NELL1: variants seen among roughly 807,000 people sequenced by gnomAD.
NELL1 encodes the protein neural EGFL like 1.
A neutral mutation model predicts 107.4 loss-of-function variants in NELL1; 76 were observed. The ratio of observed to expected loss-of-function variants is 0.71; its 90% CI spans 0.59 to 0.86. NELL1 has a LOEUF of 0.86. Ranked by LOEUF, NELL1 falls within the 40% of genes least tolerant of loss-of-function variation. The probability of loss-of-function intolerance (pLI) is 0.00; values close to 1 mark genes in which losing one functional copy is unlikely to be tolerated. For missense variants in NELL1, 1,024 were observed against 1,005.5 expected (o/e 1.02, Z -0.25); for synonymous variants, 353 against 341.2 (o/e 1.03, Z -0.38).
intron 14 of NELL1, among the ~76,000 whole-genome samples, chr11:21,303,584 A>C (rs564777293): frequency 6.6e-6 from 1 of 152,072 alleles, no homozygotes; most frequent in African/African-American, 2.4e-5. Flanking sequence ...TACAACCTCT[A>C]TAGAAAACAG....
intron 2 of NELL1, among the ~76,000 whole-genome samples, chr11:20,754,083 C>T (rs1856205116): frequency 6.6e-6 from 1 of 152,104 alleles, no homozygotes; most frequent in Non-Finnish European, 1.5e-5. Context: ...GAGTGAACAC[C>T]TGCATCATAT....
intron 13 of NELL1, among the ~76,000 whole-genome samples, chr11:21,130,015 T>C (rs994918740): frequency 6.6e-6 from 1 of 152,186 alleles, no homozygotes. Context: ...GCAAATGCAG[T>C]AGGTCTAATT....
intron 2 of NELL1, among the ~76,000 whole-genome samples, chr11:20,751,074 T>C (rs1389443550): frequency 6.6e-6 from 1 of 152,156 alleles, no homozygotes; most frequent in African/African-American, 2.4e-5. Flanking sequence ...AATCTATTTC[T>C]ATTCCGCTGA....
intron 15 of NELL1, among the ~76,000 whole-genome samples, chr11:21,490,245 A>G (rs1045329969): frequency 1.3e-4 from 19 of 151,960 alleles, no homozygotes; most frequent in African/African-American, 4.3e-4. Flanking sequence ...AGGAAAAGAT[A>G]TCTGTAAGGA....
intron 14 of NELL1, among the ~76,000 whole-genome samples, chr11:21,363,122 G>T (rs1461148193): frequency 2.0e-5 from 3 of 152,058 alleles, no homozygotes; most frequent in Non-Finnish European, 4.4e-5. Flanking sequence ...AAGAAAATTT[G>T]TACCCAGTCA....
chr11:20,807,661 G>C (rs1857413691), intron 3 of NELL1, among the ~76,000 whole-genome samples: 1 of 152,174 alleles, frequency 6.6e-6, no homozygotes, highest in Non-Finnish European at 1.5e-5. Flanking sequence ...CCCTGGGTGG[G>C]TCCAGAGATT....
chr11:21,523,912 C>T (rs937793440), intron 15 of NELL1, among the ~76,000 whole-genome samples: 4 of 151,976 alleles, frequency 2.6e-5, no homozygotes, highest in African/African-American at 9.7e-5. Flanking sequence ...TATATGAGAA[C>T]ATATATACAT....
At chr11:20,704,077 C>A (rs1043992396) in intron 2 of NELL1, among the ~76,000 whole-genome samples, 1 of 152,018 alleles carries the variant, frequency 6.6e-6, no homozygotes, top group Admixed American at 6.6e-5. Context: ...CTCTGTCTTG[C>A]TGATCTGTGT....
At chr11:20,904,395 C>T (rs1178656309) in intron 5 of NELL1, among the ~76,000 whole-genome samples, 1 of 151,852 alleles carries the variant, frequency 6.6e-6, no homozygotes, top group Non-Finnish European at 1.5e-5. Context: ...TCAAATGTAC[C>T]CAATACATAG....
At chr11:21,101,705 G>A (rs1415161842) in intron 12 of NELL1, among the ~76,000 whole-genome samples, 1 of 151,914 alleles carries the variant, frequency 6.6e-6, no homozygotes, top group Non-Finnish European at 1.5e-5. Flanking sequence ...TTTCTTGTAA[G>A]TTTGTTTGAG....
At chr11:20,700,315 C>T (rs1029356841) in intron 2 of NELL1, among the ~76,000 whole-genome samples, 12 of 151,840 alleles carry the variant, frequency 7.9e-5, no homozygotes, top group African/African-American at 2.9e-4. Flanking sequence ...CCCGTCTCTA[C>T]TAAAAATACA....
intron 16 of NELL1, among the ~76,000 whole-genome samples, chr11:21,539,672 G>A (rs151332443): frequency 0.011 from 1,687 of 150,894 alleles, 13 homozygotes; most frequent in Middle Eastern, 0.028. Flanking sequence ...TCTTCTGTTC[G>A]TCTGCTCATC....
chr11:21,295,528 C>A (rs1359022413), intron 14 of NELL1, among the ~76,000 whole-genome samples: 1 of 151,972 alleles, frequency 6.6e-6, no homozygotes, highest in Non-Finnish European at 1.5e-5. Flanking sequence ...ATGGAGTAGA[C>A]ACAAAGAATT....
chr11:20,715,895 G>A (rs1427003665), intron 2 of NELL1, among the ~76,000 whole-genome samples: 1 of 152,180 alleles, frequency 6.6e-6, no homozygotes, highest in Non-Finnish European at 1.5e-5. Context: ...TCTTGAGAAA[G>A]CATTGTAGGA....
intron 13 of NELL1, among the ~76,000 whole-genome samples, chr11:21,136,663 T>A (rs1855750882): frequency 6.6e-6 from 1 of 152,166 alleles, no homozygotes; most frequent in South Asian, 2.1e-4. Context: ...TTACTATCTC[T>A]AAGTGCAAAA....
At chr11:21,157,530 A>G (rs1469399080) in intron 13 of NELL1, among the ~76,000 whole-genome samples, 1 of 152,186 alleles carries the variant, frequency 6.6e-6, no homozygotes, top group East Asian at 1.9e-4. Context: ...TTCTTGGTAT[A>G]GCAGTTCTTG....
chr11:21,488,554 T>G (rs1465552239), intron 15 of NELL1, among the ~76,000 whole-genome samples: 2 of 152,084 alleles, frequency 1.3e-5, no homozygotes, highest in African/African-American at 2.4e-5. Context: ...GGATACCAGG[T>G]GGGCCAGTCT....
At chr11:20,977,329 A>G (rs979493133) in intron 12 of NELL1, among the ~76,000 whole-genome samples, 1 of 148,112 alleles carries the variant, frequency 6.8e-6, no homozygotes, top group Non-Finnish European at 1.5e-5. Flanking sequence ...CAGTGGTGCC[A>G]TATCGCCTCA....
At chr11:20,972,933 G>T (rs1851529626) in intron 12 of NELL1, among the ~76,000 whole-genome samples, 1 of 152,014 alleles carries the variant, frequency 6.6e-6, no homozygotes, top group Non-Finnish European at 1.5e-5. Context: ...CCATTGATTG[G>T]GTGTGAGGAG....
Sources: gnomAD v4.1 joint callset for allele counts (sites outside exome capture counted in the v4.1 genomes callset) on GRCh38, gnomAD v4.1.1 for gene constraint, MANE v1.5 for transcripts, NCBI Gene and HGNC (gene_info 2026-07-23, HGNC 2026-07-21) for gene names.